The following CETP variants were observed in gnomAD, a reference collection of about 807,000 sequenced individuals.
CETP encodes cholesteryl ester transfer protein, also known as BPI fold containing family F.
Under a neutral mutation model 66.5 loss-of-function variants are expected in CETP, and 56 were observed. That is an observed-to-expected ratio of 0.84 (90% CI 0.68 to 1.05). The LOEUF (loss-of-function observed/expected upper bound fraction) is 1.05, where lower values mean the gene tolerates loss of function less well. Ranked by LOEUF, CETP falls within the 50% of genes least tolerant of loss-of-function variation. The pLI, the probability that CETP is intolerant of heterozygous loss-of-function variation, is 0.00. For missense variants in CETP, 612 were observed against 609.6 expected, an observed-to-expected ratio of 1.00 and a Z score of -0.04; for synonymous variants, 251 against 245.7, an observed-to-expected ratio of 1.02 and a Z score of -0.20.
At chr16:56,971,944 G>A (rs766862840) in intron 7 of CETP, 48 bp from the exon 8 acceptor site, 67 of 1,528,900 alleles carry the variant, frequency 4.4e-5, no homozygotes, top group Admixed American at 2.7e-4. Context: ...GGTGACTCAG[G>A]GCAATTCCCC....
intron 2 of CETP, among the ~76,000 whole-genome samples, chr16:56,968,726 CTTCT>C (rs2056085814): frequency 7.3e-6 from 1 of 137,310 alleles, no homozygotes; most frequent in Admixed American, 7.1e-5. Flanking sequence ...TTTGAGTCTT[CTTCT>C]TTTTTTTTTT....
Position 56,964,043 on chromosome 16 carries a change from T to G in CETP, c.233+919T>G, listed in dbSNP as rs542446757. ...ATTTATTTATTTATTTATTTATTTA[T>G]TGAGATGGAGTCTCTCACTGTCACC... On this transcript the variant is annotated intron_variant, in intron 2 of 15. Coordinates refer to ENST00000200676, the MANE Select transcript of CETP (RefSeq NM_000078.3). 2.9e-4 allele frequency among the ~76,000 whole-genome samples: 36 copies of G among 125,108 alleles called. 1 individual carries two copies. In the South Asian group the frequency reaches 6.9e-3, roughly 24 times the overall value. 82.1% of individuals were successfully genotyped at this position (125,108 alleles called of 152,430 possible). A position where few individuals can be genotyped will look rare whatever the true frequency, so the allele number is the denominator to read the frequency against.
At chr16:56,970,781 C>T (rs909068546) in intron 5 of CETP, among the ~76,000 whole-genome samples, 12 of 152,198 alleles carry the variant, frequency 7.9e-5, no homozygotes, top group African/African-American at 2.7e-4. Context: ...ACTCTAGACA[C>T]GTTCTCGTGT....
intron 1 of CETP, chr16:56,962,393 T>C: frequency 1.6e-6 from 1 of 641,344 alleles, no homozygotes; most frequent in Non-Finnish European, 3.0e-6. Flanking sequence ...GGTTCAGATC[T>C]GAGCCAGGTT....
At chr16:56,981,963 G>C (rs1440384442) in intron 13 of CETP, among the ~76,000 whole-genome samples, 1 of 152,166 alleles carries the variant, frequency 6.6e-6, no homozygotes, top group African/African-American at 2.4e-5. Flanking sequence ...CTGTGGAATG[G>C]GCTAGCAATC....
intron 8 of CETP, among the ~76,000 whole-genome samples, chr16:56,973,106 C>T (rs1429658678): frequency 4.6e-5 from 7 of 152,238 alleles, no homozygotes; most frequent in African/African-American, 1.4e-4. Flanking sequence ...GCAGGAACCA[C>T]GTCTGTCTGG....
At chr16:56,967,481 C>T (rs1215868876) in intron 2 of CETP, among the ~76,000 whole-genome samples, 1 of 151,962 alleles carries the variant, frequency 6.6e-6, no homozygotes, top group Admixed American at 6.6e-5. Flanking sequence ...ATGGTGAAAC[C>T]CCCTCTCTAC....
intron 2 of CETP, among the ~76,000 whole-genome samples, chr16:56,966,437 G>A (rs2056066683): frequency 6.6e-6 from 1 of 152,260 alleles, no homozygotes; most frequent in Non-Finnish European, 1.5e-5. Context: ...ACTTGAAAGG[G>A]CCTTTTCCCA....
rs984971450 is a variant in CETP at position 56,969,736 on chromosome 16, C to T, written c.439+55C>T. The T allele has an allele frequency of 8.1e-6, 13 of 1,600,122 alleles. No homozygotes were observed. In the Admixed American group the frequency reaches 1.7e-4, roughly 21 times the overall value. On this transcript the variant is annotated intron_variant, in intron 4 of 15. Transcript: ENST00000200676. ...GGAGCTGGACTCCAGGGCTTGGCCT[C>T]AGCAGAGGGGGAGGTTGTGCAGGCA...
Position 56,978,108 on chromosome 16 carries a change from C to T in CETP, c.999C>T (p.Pro333=), listed in dbSNP as rs1211939590. ...EIFQEVVGGF[P]SQAQVTVHCL... ...TTCCACAGGTTGTCGGCGGCTTCCCCAGCCAGGCCCAAGTCACCGTCCACT... is the reference window on the plus strand; with the variant it reads ...TTCCACAGGTTGTCGGCGGCTTCCCTAGCCAGGCCCAAGTCACCGTCCACT... Residue 333 remains proline (P), a synonymous_variant, in exon 11 of 16, where the codon CCC becomes CCT. Coordinates refer to ENST00000200676, the MANE Select transcript of CETP (RefSeq NM_000078.3). The T allele has an allele frequency of 1.2e-6, 2 of 1,614,222 alleles. No homozygotes were observed. Among genetic ancestry groups the T allele is most frequent in the Admixed American group, 1.7e-5 (1 of 60,036 alleles).
chr16:56,971,450 T>G, intron 7 of CETP, 69 bp downstream of exon 7: 2 of 1,376,152 alleles, frequency 1.5e-6, no homozygotes, highest in Non-Finnish European at 2.1e-6. Flanking sequence ...TGCTGCACTA[T>G]GTGGCCTTGG....
intron 10 of CETP, among the ~76,000 whole-genome samples, chr16:56,975,962 G>C (rs967903304): frequency 2.6e-5 from 4 of 152,188 alleles, no homozygotes; most frequent in Non-Finnish European, 5.9e-5. Flanking sequence ...TTCTAACAGA[G>C]GACGGTCCCT....
rs770472024 is a variant in CETP, at chr16:56,963,009, G to A, written c.119-1G>A. On this transcript the variant is annotated splice_acceptor_variant, in intron 1 of 15. Coordinates refer to ENST00000200676, the MANE Select transcript of CETP (RefSeq NM_000078.3). LOFTEE classifies it high-confidence loss of function. ...CCCTCATCCACTGCCCTCCCCTCTA[G>A]TGAACCACGAGACTGCCAAGGTGAT... 2 of 1,614,022 alleles carry A rather than the reference G, an allele frequency of 1.2e-6. No individual in the cohort carries two copies. Among genetic ancestry groups the A allele is most frequent in the Admixed American group, 1.7e-5 (1 of 60,030 alleles).
intron 13 of CETP, 105 bp downstream of exon 13, chr16:56,981,785 G>T (rs767182007): frequency 5.3e-6 from 6 of 1,128,008 alleles, no homozygotes; most frequent in Non-Finnish European, 6.7e-6. Context: ...CAGACCAAAA[G>T]AATGTGGACC....
chr16:56,974,267 C>T (rs12720894), intron 9 of CETP, among the ~76,000 whole-genome samples: 58 of 152,314 alleles, frequency 3.8e-4, no homozygotes, highest in African/African-American at 1.3e-3. Context: ...GGGGAGACCC[C>T]TGTCTCTACA....
At chr16:56,973,043 G>A (rs1035187429) in intron 8 of CETP, among the ~76,000 whole-genome samples, 14 of 152,226 alleles carry the variant, frequency 9.2e-5, no homozygotes, top group Admixed American at 5.2e-4. Flanking sequence ...CTGGAGGTCC[G>A]TGGTCACCAG....
chr16:56,971,002 A>G (rs759428504), intron 5 of CETP, 31 bp from the exon 6 acceptor site: 17 of 1,611,530 alleles, frequency 1.1e-5, no homozygotes, highest in East Asian at 2.2e-5. Flanking sequence ...AGGACTGGTC[A>G]GGGGCTCATT....
chr16:56,971,690 T>C (rs2056111560), intron 7 of CETP, among the ~76,000 whole-genome samples: 1 of 152,302 alleles, frequency 6.6e-6, no homozygotes, highest in South Asian at 2.1e-4. Context: ...ATTGCTCACA[T>C]GGCTGGGCAC....
At chr16:56,975,755 A>G (rs1416990730) in intron 10 of CETP, among the ~76,000 whole-genome samples, 3 of 151,614 alleles carry the variant, frequency 2.0e-5, no homozygotes, top group African/African-American at 7.3e-5. Flanking sequence ...CACCCACTGC[A>G]ATGACTTCTT....
Sources: gnomAD v4.1 joint callset for allele counts (sites outside exome capture counted in the v4.1 genomes callset) on GRCh38, gnomAD v4.1.1 for gene constraint, MANE v1.5 for transcripts, NCBI Gene and HGNC (gene_info 2026-07-23, HGNC 2026-07-21) for gene names.